The following VTI1A variants were observed in gnomAD, a reference collection of about 807,000 sequenced individuals.
VTI1A encodes vesicle transport through interaction with t-SNAREs homolog 1A.
A neutral mutation model predicts 34.9 loss-of-function variants in VTI1A; 22 were observed. The ratio of observed to expected loss-of-function variants is 0.63; its 90% CI spans 0.45 to 0.90. The LOEUF (loss-of-function observed/expected upper bound fraction) is 0.90. Among genes scored for constraint, VTI1A ranks in the 40% least tolerant of loss-of-function variants. The pLI is 0.00. For synonymous variants in VTI1A, 87 were observed against 97.3 expected (o/e 0.89, Z 0.62); for missense variants, 268 against 275.6 (o/e 0.97, Z 0.20).
chr10:112,791,186 C>G (rs1852465262), intron 7 of VTI1A, among the ~76,000 whole-genome samples: 1 of 152,156 alleles, frequency 6.6e-6, no homozygotes, highest in South Asian at 2.1e-4. Flanking sequence ...GAAAAATGCC[C>G]TAGTCATCAG....
intron 5 of VTI1A, among the ~76,000 whole-genome samples, chr10:112,542,309 G>A (rs915745996): frequency 3.9e-5 from 6 of 152,160 alleles, no homozygotes; most frequent in Non-Finnish European, 8.8e-5. Flanking sequence ...CGGTACTGTA[G>A]ATGGGCCCCC....
intron 7 of VTI1A, among the ~76,000 whole-genome samples, chr10:112,684,783 T>C (rs1365675978): frequency 6.6e-6 from 1 of 152,202 alleles, no homozygotes; most frequent in Non-Finnish European, 1.5e-5. Flanking sequence ...TTCTTAGCTC[T>C]CTAATCTTGA....
At chr10:112,828,738 A>T in the VTI1A span, among the ~76,000 whole-genome samples, 528 of 150,488 alleles carry the variant, frequency 3.5e-3, 2 homozygotes, top group Non-Finnish European at 5.2e-3. Context: ...AGAGCTGGGC[A>T]TGGTGTCTCA....
chr10:112,601,794 C>CATTTT (rs1844890949), intron 5 of VTI1A, among the ~76,000 whole-genome samples: 1 of 152,174 alleles, frequency 6.6e-6, no homozygotes, highest in Non-Finnish European at 1.5e-5. Context: ...GAATGGTCCA[C>CATTTT]ATTTTATCCT....
At chr10:112,495,779 T>G (rs1033768537) in intron 3 of VTI1A, among the ~76,000 whole-genome samples, 2 of 152,116 alleles carry the variant, frequency 1.3e-5, no homozygotes, top group East Asian at 1.9e-4. Context: ...GGAATTGTAT[T>G]TAGAGTTCAA....
chr10:112,743,162 G>A (rs1850757175), intron 7 of VTI1A, among the ~76,000 whole-genome samples: 1 of 152,046 alleles, frequency 6.6e-6, no homozygotes, highest in African/African-American at 2.4e-5. Context: ...CAAGCCTTGA[G>A]TTCGTCTGGA....
chr10:112,815,768 G>T lies in VTI1A; in HGVS notation c.*385G>T. The T allele has an allele frequency of 3.6e-6, 1 of 274,642 alleles. No homozygotes were observed. The highest frequency in any genetic ancestry group is 7.0e-6 in the Non-Finnish European group (1 of 143,366). 17.0% of individuals were successfully genotyped at this position (274,642 alleles called of 1,614,324 possible). On this transcript the variant is annotated 3_prime_UTR_variant, in exon 8 of 8. Coordinates refer to ENST00000393077, the MANE Select transcript of VTI1A (RefSeq NM_145206.4). ...AGCTTCTGTTTGTCACCCGCCTCTT[G>T]TTGCTGAAAAGCTCTTCTGTGATGT...
At chr10:112,843,850 C>A in the VTI1A span, among the ~76,000 whole-genome samples, 1 of 152,094 alleles carries the variant, frequency 6.6e-6, no homozygotes, top group African/African-American at 2.4e-5. Context: ...CTCCTCCAGG[C>A]CTACCACGTG....
intron 7 of VTI1A, among the ~76,000 whole-genome samples, chr10:112,786,010 C>A (rs1852277296): frequency 1.3e-5 from 2 of 150,506 alleles, no homozygotes; most frequent in South Asian, 4.2e-4. Context: ...ACCGCCCCCC[C>A]AAAAAAAAAT....
At chr10:112,822,989 G>A (rs968671503), downstream of VTI1A, among the ~76,000 whole-genome samples, 18 of 152,238 alleles carry the variant, frequency 1.2e-4, no homozygotes, top group Non-Finnish European at 2.1e-4. Flanking sequence ...CTCCAATCCC[G>A]GGCAAGGTCA....
chr10:112,664,984 TA>T (rs1564873558), intron 5 of VTI1A, among the ~76,000 whole-genome samples: 1 of 152,242 alleles, frequency 6.6e-6, no homozygotes, highest in Non-Finnish European at 1.5e-5. Flanking sequence ...TTATAAAATT[TA>T]TGATTTCTCA....
At chr10:112,503,465 A>G (rs1459152508) in intron 3 of VTI1A, among the ~76,000 whole-genome samples, 1 of 152,182 alleles carries the variant, frequency 6.6e-6, no homozygotes, top group African/African-American at 2.4e-5. Context: ...AAAGCAAACA[A>G]ATTTTCTTGC....
At chr10:112,850,575 A>G in the VTI1A span, among the ~76,000 whole-genome samples, 1 of 152,126 alleles carries the variant, frequency 6.6e-6, no homozygotes, top group African/African-American at 2.4e-5. Flanking sequence ...TGTGAAGTTA[A>G]TGAAACTTAA....
At chr10:112,706,401 G>T (rs545121129) in intron 7 of VTI1A, among the ~76,000 whole-genome samples, 2 of 152,148 alleles carry the variant, frequency 1.3e-5, no homozygotes, top group African/African-American at 4.8e-5. Flanking sequence ...GTTACATGGG[G>T]TTAAGTTAAT....
intron 5 of VTI1A, among the ~76,000 whole-genome samples, chr10:112,655,121 A>T (rs766017112): frequency 4.9e-4 from 75 of 152,300 alleles, no homozygotes; most frequent in Non-Finnish European, 8.7e-4. Context: ...TAGAAATGCA[A>T]CTTCTTGTCC....
At chr10:112,582,117 A>C (rs11819403) in intron 5 of VTI1A, among the ~76,000 whole-genome samples, 3,215 of 152,240 alleles carry the variant, frequency 0.021, 124 homozygotes, top group African/African-American at 0.073. Context: ...GTCTGAGATC[A>C]GGGTGCCAGC....
intron 5 of VTI1A, among the ~76,000 whole-genome samples, chr10:112,565,748 C>G (rs890221264): frequency 6.6e-6 from 1 of 152,102 alleles, no homozygotes; most frequent in Non-Finnish European, 1.5e-5. Context: ...GACGGGCTAT[C>G]AGTTTTTAAA....
chr10:112,710,583 T>C (rs143982612), intron 7 of VTI1A, among the ~76,000 whole-genome samples: 344 of 152,360 alleles, frequency 2.3e-3, no homozygotes, highest in African/African-American at 7.8e-3. Flanking sequence ...GCACGTGGTT[T>C]ATATAAAAGC....
intron 7 of VTI1A, among the ~76,000 whole-genome samples, chr10:112,805,190 T>C (rs1305410785): frequency 6.6e-6 from 1 of 152,142 alleles, no homozygotes; most frequent in East Asian, 1.9e-4. Flanking sequence ...TTTTAGATCA[T>C]GAGTGGGCAA....
Sources: allele counts gnomAD v4.1 joint callset (sites outside exome capture counted in the v4.1 genomes callset), GRCh38; gene constraint gnomAD v4.1.1; transcripts MANE v1.5; gene names NCBI Gene and HGNC (gene_info 2026-07-23, HGNC 2026-07-21).